The following FAM107A variants were observed in gnomAD, a reference collection of about 807,000 sequenced individuals.
The protein encoded by FAM107A is actin-associated protein FAM107A.
A neutral mutation model predicts 13.7 loss-of-function variants in FAM107A; 19 were observed. The observed-to-expected ratio is 1.38, with a 90% CI of 0.97 to 2.03. The LOEUF (loss-of-function observed/expected upper bound fraction) is 2.03, where lower values mean the gene tolerates loss of function less well. FAM107A is among the 30% of genes most tolerant of loss of function. The pLI, the probability that FAM107A is intolerant of heterozygous loss-of-function variation, is 0.00. For synonymous variants in FAM107A, 82 were observed against 74.5 expected, an observed-to-expected ratio of 1.10 and a Z score of -0.52; for missense variants, 203 against 184.4, an observed-to-expected ratio of 1.10 and a Z score of -0.58.
chr3:58,610,334 C>T (rs867103030), intron 1 of FAM107A, among the ~76,000 whole-genome samples: 1 of 152,178 alleles, frequency 6.6e-6, no homozygotes, highest in Non-Finnish European at 1.5e-5. Context: ...TTGTCTCATG[C>T]CGGACCCCTT....
intron 1 of FAM107A, among the ~76,000 whole-genome samples, chr3:58,595,899 G>A (rs1481576281): frequency 6.6e-6 from 1 of 152,230 alleles, no homozygotes; most frequent in African/African-American, 2.4e-5. Context: ...ACTGATAACT[G>A]ATAGTCTTTT....
intron 1 of FAM107A, among the ~76,000 whole-genome samples, chr3:58,605,037 C>T (rs1378044509): frequency 6.6e-6 from 1 of 152,210 alleles, no homozygotes; most frequent in Non-Finnish European, 1.5e-5. Flanking sequence ...CTTTCCAAGT[C>T]CCTTTAACTT....
At chr3:58,625,793 T>C (rs1348025151) in intron 1 of FAM107A, among the ~76,000 whole-genome samples, 2 of 152,178 alleles carry the variant, frequency 1.3e-5, no homozygotes, top group Non-Finnish European at 2.9e-5. Flanking sequence ...AGCTCCTCTT[T>C]CCAAATTAAC....
rs2063601834 is a variant in FAM107A, at chr3:58,564,586, C to G, written c.*2002G>C. Reference sequence around the variant, plus strand: ...CTACCTCTGGGGCTTCATGGAATGACTTGTTGCCTCCATGGAGCACCTCTG... The same window carrying G: ...CTACCTCTGGGGCTTCATGGAATGAGTTGTTGCCTCCATGGAGCACCTCTG... On this transcript the variant is annotated 3_prime_UTR_variant, in exon 4 of 4. Coordinates refer to ENST00000360997, the MANE Select transcript of FAM107A (RefSeq NM_001076778.3). This position sits in a 1 kb window ranked among gnomAD's most constrained non-coding sequence, Gnocchi z 5.6. The G allele has an allele frequency of 6.6e-6, 1 of 152,256 alleles. No homozygotes were observed. The highest frequency in any genetic ancestry group is 2.4e-5 in the African/African-American group (1 of 41,462). 9.4% of individuals were successfully genotyped at this position (152,256 alleles called of 1,614,324 possible).
At position 58,615,533 on chromosome 3, in the gene FAM107A, C is replaced by T. The variant is rs572255869; in HGVS notation, c.-70+11883G>A. Among the ~76,000 whole-genome samples, 10 of 152,256 alleles carry T rather than the reference C, an allele frequency of 6.6e-5. No individual in the cohort carries two copies. In the South Asian group the frequency reaches 1.2e-3, roughly 19 times the overall value. On this transcript the variant is annotated intron_variant, in intron 1 of 3. Coordinates refer to the FAM107A transcript ENST00000465970. ...GTTAAATAACCAAAGAAGGTAATTT[C>T]AGATGGTGGTAAGCTCTGTGAAGGA... is the stretch of plus-strand genomic sequence containing the variant.
In FAM107A at chr3:58,567,085, C is replaced by T. The variant is rs746327616; in HGVS notation, c.327+123G>A. The T allele has an allele frequency of 3.2e-6, 4 of 1,250,230 alleles. No homozygotes were observed. In the East Asian group the frequency reaches 7.2e-5, roughly 22 times the overall value. 77.4% of individuals were successfully genotyped at this position (1,250,230 alleles called of 1,614,324 possible). On this transcript the variant is annotated intron_variant, in intron 3 of 3. Coordinates refer to ENST00000360997, the MANE Select transcript of FAM107A (RefSeq NM_001076778.3). ...AGGGAGGACTCAGGCCAGGAGTGGA[C>T]TCTTAGTCCAGTGCTCTGTCTGCTG...
rs999468299 is a variant in FAM107A at position 58,569,569 on chromosome 3, C to A, written c.170+122G>T. 3.7e-6 allele frequency: 3 copies of A among 814,640 alleles called. No individual in the cohort carries two copies. Among genetic ancestry groups the A allele is most frequent in the Admixed American group, 2.4e-5 (1 of 41,896 alleles). 50.5% of individuals were successfully genotyped at this position (814,640 alleles called of 1,614,324 possible). A position where few individuals can be genotyped will look rare whatever the true frequency, so the allele number is the denominator to read the frequency against. On this transcript the variant is annotated intron_variant, in intron 2 of 3. Coordinates refer to ENST00000360997, the MANE Select transcript of FAM107A (RefSeq NM_001076778.3). The surrounding 1 kb of genome is among the most constrained non-coding windows in gnomAD (Gnocchi z 5.7). ...CCGGTGATCATGTGGGGCACCTCAG[C>A]CTTCCTCAGTCTCCAGGAGCCCCAG...
upstream of FAM107A, among the ~76,000 whole-genome samples, chr3:58,590,104 T>G (rs2065643798): frequency 6.6e-6 from 1 of 152,258 alleles, no homozygotes; most frequent in Admixed American, 6.5e-5. Context: ...CAATCTTGAC[T>G]GTGCTTCTGA....
chr3:58,626,764 G>T (rs2066022064), intron 1 of FAM107A, among the ~76,000 whole-genome samples: 1 of 152,188 alleles, frequency 6.6e-6, no homozygotes, highest in Non-Finnish European at 1.5e-5. Flanking sequence ...CCCCGAGTCT[G>T]TCCTAGAGAT....
chr3:58,596,207 C>T (rs2065705947), intron 1 of FAM107A, among the ~76,000 whole-genome samples: 1 of 152,114 alleles, frequency 6.6e-6, no homozygotes, highest in Non-Finnish European at 1.5e-5. Context: ...CTCAATGATC[C>T]TATCCCCAAA....
In FAM107A at chr3:58,565,975, C is replaced by G. The variant is rs76708139; in HGVS notation, c.*613G>C. The stretch of plus-strand genomic sequence containing the variant: ...AGAAGGCCTGGACGGGGAGGCTGTG[C>G]GGAGGGGATGATGAAAGCATGGGTG... On this transcript the variant is annotated 3_prime_UTR_variant, in exon 4 of 4. Coordinates refer to ENST00000360997, the MANE Select transcript of FAM107A (RefSeq NM_001076778.3). 0.048 allele frequency: 7,345 copies of G among 152,230 alleles called. 554 individuals are homozygous for G. Among genetic ancestry groups the G allele is most frequent in the East Asian group, 0.22 (1,121 of 5,152 alleles). 9.4% of individuals were successfully genotyped at this position (152,230 alleles called of 1,614,324 possible). A position where few individuals can be genotyped will look rare whatever the true frequency, so the allele number is the denominator to read the frequency against.
chr3:58,605,562 C>A (rs1296579635), intron 1 of FAM107A, among the ~76,000 whole-genome samples: 3 of 152,212 alleles, frequency 2.0e-5, no homozygotes, highest in Non-Finnish European at 4.4e-5. Context: ...AGGGGCTCAC[C>A]TTGTAAGTTT....
rs1302740650 is a variant in FAM107A at position 58,569,283 on chromosome 3, G to T, written c.170+408C>A. Reference sequence around the variant, plus strand: ...AGACCCCTCTCGGGTTCCTCCTCTGGGGTCTCAGGCCTATTTATGCCCTCA... The same window carrying T: ...AGACCCCTCTCGGGTTCCTCCTCTGTGGTCTCAGGCCTATTTATGCCCTCA... On this transcript the variant is annotated intron_variant, in intron 2 of 3. Transcript: ENST00000360997. The surrounding 1 kb of genome is among the most constrained non-coding windows in gnomAD (Gnocchi z 5.7). Among the ~76,000 whole-genome samples the T allele has an allele frequency of 6.6e-6, 1 of 152,084 alleles. No homozygotes were observed. Among genetic ancestry groups the T allele is most frequent in the Non-Finnish European group, 1.5e-5 (1 of 68,012 alleles).
intron 1 of FAM107A, among the ~76,000 whole-genome samples, chr3:58,616,778 G>C (rs2065905454): frequency 6.6e-6 from 1 of 151,910 alleles, no homozygotes; most frequent in Admixed American, 6.6e-5. Context: ...CGGCTCCCCA[G>C]TTTCTTTTTT....
chr3:58,595,941 G>A (rs2065703829), intron 1 of FAM107A, among the ~76,000 whole-genome samples: 1 of 152,184 alleles, frequency 6.6e-6, no homozygotes, highest in African/African-American at 2.4e-5. Context: ...ATGGCCAACT[G>A]TCATTTGTTC....
At chr3:58,611,313 C>T (rs2065852090) in intron 1 of FAM107A, among the ~76,000 whole-genome samples, 1 of 152,218 alleles carries the variant, frequency 6.6e-6, no homozygotes, top group South Asian at 2.1e-4. Flanking sequence ...CTTCACTCCC[C>T]ACTCCCAGTC....
rs929732995 is a variant in FAM107A, at chr3:58,587,071, G to A, written c.-135C>T. The A allele has an allele frequency of 6.6e-6, 9 of 1,362,024 alleles. No individual in the cohort carries two copies. The African/African-American group carries it at 9.2e-5, about 14-fold the overall frequency. The allele number at this position is 1,362,024 out of a possible 1,614,324, so 84.4% of individuals were successfully genotyped here. A position where few individuals can be genotyped will look rare whatever the true frequency, so the allele number is the denominator to read the frequency against. On this transcript the variant is annotated 5_prime_UTR_variant, in exon 1 of 4. Transcript: ENST00000447756. ...CAAACCCCGCTGAGGGTCAAGTTAC[G>A]GCGGCGGCCGGAGGGGCGGGCGAGG... is the stretch of plus-strand genomic sequence containing the variant.
chr3:58,606,447 C>T (rs957919091), intron 1 of FAM107A, among the ~76,000 whole-genome samples: 3 of 152,226 alleles, frequency 2.0e-5, no homozygotes, highest in Non-Finnish European at 4.4e-5. Context: ...AGAACACTTT[C>T]GCTGTCTTAC....
chr3:58,567,542 G>A (rs927955761), intron 2 of FAM107A, among the ~76,000 whole-genome samples, 178 bp from the exon 3 acceptor site: 2 of 152,210 alleles, frequency 1.3e-5, no homozygotes, highest in African/African-American at 4.8e-5. Context: ...AGGCTCCTAG[G>A]GCTGAAGATA....
Sources: allele counts gnomAD v4.1 joint callset (sites outside exome capture counted in the v4.1 genomes callset), GRCh38; gene constraint gnomAD v4.1.1; non-coding constraint Gnocchi (gnomAD v3.1); transcripts MANE v1.5; gene names NCBI Gene and HGNC (gene_info 2026-07-23, HGNC 2026-07-21).